Variants in ABL1 observed in about 807,000 individuals in gnomAD.
ABL1 encodes the protein tyrosine-protein kinase ABL1.
In ABL1, 11 loss-of-function variants were observed where a neutral mutation model predicts 94.7. The ratio of observed to expected loss-of-function variants is 0.12; its 90% confidence interval spans 0.07 to 0.19. The LOEUF is 0.19. Among genes scored for constraint, ABL1 ranks in the 10% least tolerant of loss-of-function variants. The pLI is 1.00. For missense variants in ABL1, 1,082 were observed against 1,489.4 expected (o/e 0.73, Z 4.50); for synonymous variants, 656 against 622.4 (o/e 1.05, Z -0.80).
intron 1 of ABL1, among the ~76,000 whole-genome samples, chr9:130,786,333 T>G (rs982690586): frequency 6.6e-6 from 1 of 152,178 alleles, no homozygotes; most frequent in Non-Finnish European, 1.5e-5. Flanking sequence ...AGGAGGTGGT[T>G]CAGAGAATGG....
chr9:130,733,575 C>CTTTT (rs35185474), intron 1 of ABL1, among the ~76,000 whole-genome samples: 2,092 of 103,152 alleles, frequency 0.02, 258 homozygotes, highest in African/African-American at 0.072. Flanking sequence ...CTGTAAAGCA[C>CTTTT]TTTTTTTTTT....
At chr9:130,785,401 A>G (rs1307752331) in intron 1 of ABL1, among the ~76,000 whole-genome samples, 2 of 152,084 alleles carry the variant, frequency 1.3e-5, no homozygotes, top group African/African-American at 2.4e-5. Context: ...TCTGACAAGC[A>G]TGTTTGCCAC....
chr9:130,725,524 G>T (rs1258312834), intron 1 of ABL1, among the ~76,000 whole-genome samples: 2 of 152,090 alleles, frequency 1.3e-5, no homozygotes, highest in African/African-American at 4.8e-5. Flanking sequence ...GGGATTACAG[G>T]CATGTGCCAC....
intron 1 of ABL1, among the ~76,000 whole-genome samples, chr9:130,726,499 T>C (rs1651498392): frequency 6.6e-6 from 1 of 152,238 alleles, no homozygotes; most frequent in African/African-American, 2.4e-5. Flanking sequence ...TTTCTCTCTG[T>C]TTCTCTCTCA....
chr9:130,834,639 G>A (rs188506703), upstream of ABL1, among the ~76,000 whole-genome samples: 39 of 152,262 alleles, frequency 2.6e-4, no homozygotes, highest in Admixed American at 1.4e-3. Context: ...TCATTGTAGG[G>A]ACTAAGTCCT....
At position 130,884,189 on chromosome 9, in the gene ABL1, C is replaced by A. The variant is rs2229068; in HGVS notation, c.1899C>A (p.Ala633=). 6.2e-7 allele frequency: 1 copy of A among 1,612,162 alleles called. No homozygotes were observed. The highest frequency in any genetic ancestry group is 8.5e-7 in the Non-Finnish European group (1 of 1,179,596). ...ACGGCCAGCCGGAGCGCAGAGGGGCCGGCGAGGAAGAGGGCCGAGACATCA... is the reference window on the plus strand; with the variant it reads ...ACGGCCAGCCGGAGCGCAGAGGGGCAGGCGAGGAAGAGGGCCGAGACATCA... ...EMDGQPERRG[A]GEEEGRDISN... Residue 633 remains alanine, a synonymous_variant, in exon 11 of 11, where the codon GCC becomes GCA. Coordinates refer to ENST00000318560, the MANE Select transcript of ABL1 (RefSeq NM_005157.6). The surrounding 1 kb of genome is among the most constrained non-coding windows in gnomAD (Gnocchi z 5.6).
At chr9:130,853,938 TAAG>T in intron 1 of ABL1, 123 bp from the exon 2 acceptor site, 1 of 986,474 alleles carries the variant, frequency 1.0e-6, no homozygotes, top group African/African-American at 1.6e-5. Context: ...GTACAGATGT[TAAG>T]AAATGAAATA....
intron 1 of ABL1, 148 bp from the exon 2 acceptor site, chr9:130,853,916 T>G: frequency 2.8e-6 from 2 of 724,906 alleles, no homozygotes; most frequent in Non-Finnish European, 4.2e-6. Context: ...ACCACCTTAA[T>G]GATAATAGTA....
At position 130,872,111 on chromosome 9, in the gene ABL1, GT is replaced by G. The variant is rs761756351; in HGVS notation, c.823-11del. The G allele has an allele frequency of 6.2e-7, 1 of 1,612,338 alleles. No individual in the cohort carries two copies. Among genetic ancestry groups the G allele is most frequent in the Admixed American group, 1.7e-5 (1 of 59,904 alleles). On this transcript the variant is annotated splice_polypyrimidine_tract_variant and intron_variant, in intron 4 of 10. Transcript: ENST00000318560. This position sits in a 1 kb window ranked among gnomAD's most constrained non-coding sequence, Gnocchi z 5.0. ...CACTTCCTGAAATAATTTCACCTTC[GT>G]TTTTTTCCTTCTGCAGGAGGACACC...
chr9:130,863,178 T>A lies in ABL1; in HGVS notation c.822+143T>A, dbSNP rs1831103979. On this transcript the variant is annotated intron_variant, in intron 4 of 10. Coordinates refer to ENST00000318560, the MANE Select transcript of ABL1 (RefSeq NM_005157.6). The surrounding 1 kb of genome is among the most constrained non-coding windows in gnomAD (Gnocchi z 4.3). Reference sequence around the variant, plus strand: ...CCACGGAATTGACTTTTCCGTCTTATATCATTCCTGTGTCTTTGTAGGAGT... The same window carrying A: ...CCACGGAATTGACTTTTCCGTCTTAAATCATTCCTGTGTCTTTGTAGGAGT... The A allele has an allele frequency of 5.2e-6, 5 of 962,912 alleles. No individual in the cohort carries two copies. The highest frequency in any genetic ancestry group is 5.9e-5 in the Admixed American group (2 of 34,138). The allele number at this position is 962,912 out of a possible 1,614,324, so 59.6% of individuals were successfully genotyped here.
intron 1 of ABL1, among the ~76,000 whole-genome samples, chr9:130,827,632 C>T (rs1229493869): frequency 6.6e-6 from 1 of 152,158 alleles, no homozygotes; most frequent in Non-Finnish European, 1.5e-5. Flanking sequence ...CCATGACTCA[C>T]GCCTGTAATC....
chr9:130,743,099 T>A (rs1831840067), intron 1 of ABL1, among the ~76,000 whole-genome samples: 1 of 152,130 alleles, frequency 6.6e-6, no homozygotes, highest in Non-Finnish European at 1.5e-5. Context: ...GGAGACAGAG[T>A]TTCGCTCTTG....
exon 1 of ABL1, among the ~76,000 whole-genome samples, chr9:130,713,364 C>T (rs536714412): frequency 6.6e-6 from 1 of 152,328 alleles, no homozygotes; most frequent in East Asian, 1.9e-4. Context: ...CAGCCCCGCC[C>T]CGGCTTTGGG....
intron 4 of ABL1, among the ~76,000 whole-genome samples, chr9:130,868,160 A>G (rs1831188860): frequency 6.6e-6 from 1 of 151,994 alleles, no homozygotes; most frequent in African/African-American, 2.4e-5. Context: ...GGGTTTCACC[A>G]TGTTAGCCAG....
At position 130,885,840 on chromosome 9, in the gene ABL1, C is replaced by G; in HGVS notation, c.*157C>G. 1.0e-6 allele frequency: 1 copy of G among 976,792 alleles called. No homozygotes were observed. The highest frequency in any genetic ancestry group is 1.5e-6 in the Non-Finnish European group (1 of 681,030). The allele number at this position is 976,792 out of a possible 1,614,324, so 60.5% of individuals were successfully genotyped here. On this transcript the variant is annotated 3_prime_UTR_variant, in exon 11 of 11. Transcript: ENST00000318560. ...GAGCTGAGGGCCCTGTGGAGTCCAG[C>G]TCTACTACCTACGTTTGCACCGCCT...
At chr9:130,883,028 G>A (rs973280384) in intron 10 of ABL1, among the ~76,000 whole-genome samples, 21 of 152,092 alleles carry the variant, frequency 1.4e-4, no homozygotes, top group Admixed American at 1.3e-3. Flanking sequence ...GCACCCAAGC[G>A]TCTGGGCTCA....
intron 1 of ABL1, among the ~76,000 whole-genome samples, chr9:130,792,568 GAGA>G (rs1279972648): frequency 6.6e-6 from 1 of 152,140 alleles, no homozygotes; most frequent in East Asian, 1.9e-4. Flanking sequence ...ATGGCACAAG[GAGA>G]AGAAGTACGG....
At chr9:130,826,966 T>C (rs1208406429) in intron 1 of ABL1, among the ~76,000 whole-genome samples, 1 of 151,992 alleles carries the variant, frequency 6.6e-6, no homozygotes, top group African/African-American at 2.4e-5. Flanking sequence ...TAGTCCCAGC[T>C]ACTCAGGAGG....
At position 130,884,274 on chromosome 9, in the gene ABL1, C is replaced by G. The variant is rs757386343; in HGVS notation, c.1984C>G (p.Pro662Ala). The G allele has an allele frequency of 1.2e-6, 2 of 1,600,150 alleles. No homozygotes were observed. The highest frequency in any genetic ancestry group is 1.7e-6 in the Non-Finnish European group (2 of 1,173,678). ...DTADPAKSPK[P>A]SNGAGVPNGA... ...AGCTGACCCAGCCAAGTCCCCAAAG[C>G]CCAGCAATGGGGCTGGGGTCCCCAA... is the stretch of plus-strand genomic sequence containing the variant. Residue 662 changes from proline to alanine, a missense_variant, in exon 11 of 11, where the codon CCC becomes GCC. Transcript: ENST00000318560. This position sits in a 1 kb window ranked among gnomAD's most constrained non-coding sequence, Gnocchi z 5.6.
Sources: allele counts gnomAD v4.1 joint callset (sites outside exome capture counted in the v4.1 genomes callset), GRCh38; gene constraint gnomAD v4.1.1; non-coding constraint Gnocchi (gnomAD v3.1); transcripts MANE v1.5; gene names NCBI Gene and HGNC (gene_info 2026-07-23, HGNC 2026-07-21).